Variants in ENTREP2 observed in about 807,000 individuals in gnomAD.
ENTREP2 encodes the protein protein ENTREP2.
the ENTREP2 span, among the ~76,000 whole-genome samples, chr15:29,671,711 C>T: frequency 2.0e-5 from 3 of 152,178 alleles, no homozygotes; most frequent in Non-Finnish European, 2.9e-5. Context: ...AACCTTTTAA[C>T]ATAAAAATTG....
chr15:29,289,002 A>C, the ENTREP2 span, among the ~76,000 whole-genome samples: 100,050 of 151,862 alleles, frequency 0.66, 33,596 homozygotes, highest in Middle Eastern at 0.72. Flanking sequence ...CTCAGGAGTT[A>C]GAGACCAGCC....
the ENTREP2 span, among the ~76,000 whole-genome samples, chr15:29,404,155 G>A: frequency 6.6e-6 from 1 of 152,076 alleles, no homozygotes; most frequent in South Asian, 2.1e-4. Context: ...GGGCACAGGA[G>A]TACATCCAGT....
chr15:29,557,492 C>A, the ENTREP2 span, among the ~76,000 whole-genome samples: 2 of 152,164 alleles, frequency 1.3e-5, no homozygotes, highest in African/African-American at 4.8e-5. Flanking sequence ...AAAAGTGCCA[C>A]CTGCTGCATC....
chr15:29,544,917 C>A, the ENTREP2 span, among the ~76,000 whole-genome samples: 1 of 152,154 alleles, frequency 6.6e-6, no homozygotes, highest in Admixed American at 6.5e-5. Flanking sequence ...CCTAGTGACA[C>A]GTATCTGCAT....
At chr15:29,601,479 A>G in the ENTREP2 span, among the ~76,000 whole-genome samples, 1 of 131,422 alleles carries the variant, frequency 7.6e-6, no homozygotes, top group Admixed American at 8.0e-5. Context: ...TATCTTCTTC[A>G]TTCTTTTTGT....
the ENTREP2 span, among the ~76,000 whole-genome samples, chr15:29,295,767 C>T: frequency 2.6e-5 from 4 of 152,250 alleles, no homozygotes; most frequent in South Asian, 8.3e-4. Flanking sequence ...TGTGGACAGC[C>T]TGGAGACGCT....
chr15:29,126,409 G>GC, the ENTREP2 span: 1 of 1,549,086 alleles, frequency 6.5e-7, no homozygotes, highest in Non-Finnish European at 8.7e-7. Flanking sequence ...GTGCTGGGGC[G>GC]CCCACAGGGC....
the ENTREP2 span, among the ~76,000 whole-genome samples, chr15:29,252,032 A>G: frequency 0.013 from 1,906 of 152,304 alleles, 22 homozygotes; most frequent in Non-Finnish European, 0.021. Context: ...ATTCAATACA[A>G]ATAAGAATCA....
the ENTREP2 span, among the ~76,000 whole-genome samples, chr15:29,385,542 C>T: frequency 6.6e-6 from 1 of 152,192 alleles, no homozygotes; most frequent in Admixed American, 6.5e-5. Flanking sequence ...GACCCCTGGC[C>T]TTACAGAATG....
At chr15:29,347,050 G>A in the ENTREP2 span, among the ~76,000 whole-genome samples, 2 of 152,152 alleles carry the variant, frequency 1.3e-5, no homozygotes, top group Non-Finnish European at 2.9e-5. Context: ...TGTCAGAACC[G>A]CCTCATACAC....
chr15:29,653,571 T>G, the ENTREP2 span, among the ~76,000 whole-genome samples: 34 of 152,184 alleles, frequency 2.2e-4, no homozygotes, highest in African/African-American at 7.0e-4. Context: ...TGATAAGTGT[T>G]TGGTAGTTCC....
At chr15:29,234,252 C>T in the ENTREP2 span, 1 of 1,612,564 alleles carries the variant, frequency 6.2e-7, no homozygotes. Context: ...CTTCTCTCTT[C>T]CGCAGAAGGA....
the ENTREP2 span, among the ~76,000 whole-genome samples, chr15:29,221,264 C>T: frequency 6.6e-6 from 1 of 151,564 alleles, no homozygotes; most frequent in Non-Finnish European, 1.5e-5. Flanking sequence ...TGCAGTGGCA[C>T]AATCTTGGCT....
the ENTREP2 span, chr15:29,376,578 ACACACACAG>A: frequency 6.6e-6 from 1 of 152,078 alleles, no homozygotes; most frequent in African/African-American, 2.4e-5. Context: ...ACACACACAC[ACACACACAG>A]CATTTCCCTT....
chr15:29,544,784 G>A, the ENTREP2 span, among the ~76,000 whole-genome samples: 2 of 152,120 alleles, frequency 1.3e-5, no homozygotes, highest in African/African-American at 2.4e-5. Flanking sequence ...TAACAGTTCC[G>A]ATGTTCAGGT....
At chr15:29,573,642 C>T in the ENTREP2 span, among the ~76,000 whole-genome samples, 4 of 132,578 alleles carry the variant, frequency 3.0e-5, no homozygotes, top group East Asian at 3.0e-4. Flanking sequence ...TCTCTCTCTC[C>T]CCCCCTCTCT....
chr15:29,387,799 C>T, the ENTREP2 span, among the ~76,000 whole-genome samples: 3 of 152,054 alleles, frequency 2.0e-5, no homozygotes, highest in Admixed American at 6.6e-5. Flanking sequence ...AGAACAGAGC[C>T]CTCAGAAATA....
At chr15:29,490,386 A>T in the ENTREP2 span, among the ~76,000 whole-genome samples, 2 of 151,104 alleles carry the variant, frequency 1.3e-5, no homozygotes, top group African/African-American at 2.5e-5. Context: ...AAACCTCCAC[A>T]ACATGGAAGA....
chr15:29,214,699 A>AAT, the ENTREP2 span, among the ~76,000 whole-genome samples: 10,075 of 151,858 alleles, frequency 0.066, 1,164 homozygotes, highest in African/African-American at 0.23. Flanking sequence ...ATAAAAAAAA[A>AAT]AAATGTAAAA....
Sources: allele counts gnomAD v4.1 joint callset (sites outside exome capture counted in the v4.1 genomes callset), GRCh38; gene constraint gnomAD v4.1.1; transcripts MANE v1.5; gene names NCBI Gene and HGNC (gene_info 2026-07-23, HGNC 2026-07-21).